Variants in AFG1L observed in about 807,000 individuals in gnomAD.
The protein encoded by AFG1L is AFG1-like ATPase.
A neutral mutation model predicts 62.2 loss-of-function variants in AFG1L; 53 were observed. The ratio of observed to expected loss-of-function variants is 0.85; its 90% CI spans 0.68 to 1.07. The LOEUF (loss-of-function observed/expected upper bound fraction) is 1.07. Ranked by LOEUF, AFG1L falls within the 50% of genes least tolerant of loss-of-function variation. The probability of loss-of-function intolerance (pLI) is 0.00; values close to 1 mark genes in which losing one functional copy is unlikely to be tolerated. For missense variants in AFG1L, 555 were observed against 590.5 expected (o/e 0.94, Z 0.62); for synonymous variants, 228 against 210.3 (o/e 1.08, Z -0.73).
At chr6:108,465,551 C>T (rs937912722) in intron 8 of AFG1L, among the ~76,000 whole-genome samples, 1 of 152,058 alleles carries the variant, frequency 6.6e-6, no homozygotes, top group African/African-American at 2.4e-5. Flanking sequence ...GCCTCACAAG[C>T]ATGGATATAT....
chr6:108,316,533 ATTT>A (rs544278061), intron 1 of AFG1L, among the ~76,000 whole-genome samples: 5 of 125,124 alleles, frequency 4.0e-5, no homozygotes, highest in Admixed American at 8.6e-5. Flanking sequence ...GTACACTCTG[ATTT>A]TTTTTTTTTT....
intron 6 of AFG1L, chr6:108,388,206 G>A (rs1367940748): frequency 6.6e-6 from 1 of 152,168 alleles, no homozygotes; most frequent in Non-Finnish European, 1.5e-5. Flanking sequence ...AGGATTCCCA[G>A]AAATGTCTAA....
At chr6:108,507,076 G>A (rs1774450005) in intron 10 of AFG1L, among the ~76,000 whole-genome samples, 1 of 152,086 alleles carries the variant, frequency 6.6e-6, no homozygotes, top group South Asian at 2.1e-4. Context: ...TCTTTCTCAT[G>A]TTTTTAAAGA....
intron 7 of AFG1L, among the ~76,000 whole-genome samples, chr6:108,446,042 A>T (rs1771772133): frequency 7.0e-6 from 1 of 143,038 alleles, no homozygotes; most frequent in Non-Finnish European, 1.5e-5. Flanking sequence ...CCTCTCATCT[A>T]TGTAGAGATA....
chr6:108,358,783 C>G (rs1411497369), intron 5 of AFG1L, among the ~76,000 whole-genome samples: 1 of 152,242 alleles, frequency 6.6e-6, no homozygotes, highest in Non-Finnish European at 1.5e-5. Flanking sequence ...ATCCACCCGC[C>G]TCAGCCTCCC....
Position 108,448,085 on chromosome 6 carries a change from T to G in AFG1L, c.890+789T>G, listed in dbSNP as rs956840378. 3.3e-5 allele frequency among the ~76,000 whole-genome samples: 5 copies of G among 152,208 alleles called. No individual in the cohort carries two copies. In the South Asian group the frequency reaches 1.0e-3, roughly 32 times the overall value. Reference sequence around the variant, plus strand: ...AAAAGTTCTTGTCTCTGCCACCTTGTAAGCAGAAGTACTTTACTGTTTTTG... The same window carrying G: ...AAAAGTTCTTGTCTCTGCCACCTTGGAAGCAGAAGTACTTTACTGTTTTTG... On this transcript the variant is annotated intron_variant, in intron 8 of 12. Coordinates refer to ENST00000368977, the MANE Select transcript of AFG1L (RefSeq NM_145315.5).
At chr6:108,314,088 A>G (rs1431097626) in intron 1 of AFG1L, among the ~76,000 whole-genome samples, 1 of 151,932 alleles carries the variant, frequency 6.6e-6, no homozygotes, top group Non-Finnish European at 1.5e-5. Context: ...AAAATTAGCC[A>G]GACGTGGTGG....
At chr6:108,449,432 C>A (rs989380365) in intron 8 of AFG1L, among the ~76,000 whole-genome samples, 3 of 152,034 alleles carry the variant, frequency 2.0e-5, no homozygotes, top group Non-Finnish European at 4.4e-5. Context: ...CAATTAAAAT[C>A]ATCTCAGAAG....
intron 6 of AFG1L, among the ~76,000 whole-genome samples, chr6:108,401,512 C>T (rs1398267466): frequency 1.3e-5 from 2 of 152,074 alleles, no homozygotes; most frequent in African/African-American, 2.4e-5. Context: ...AGGCTGATCT[C>T]GAACTCCTGA....
intron 6 of AFG1L, among the ~76,000 whole-genome samples, chr6:108,388,684 G>C (rs1780889074): frequency 6.6e-6 from 1 of 150,484 alleles, no homozygotes; most frequent in Non-Finnish European, 1.5e-5. Context: ...TAGTTGAGCG[G>C]TTTTGAGTGA....
At chr6:108,395,850 G>A (rs1781273459) in intron 6 of AFG1L, among the ~76,000 whole-genome samples, 1 of 150,414 alleles carries the variant, frequency 6.6e-6, no homozygotes. Context: ...GAGAGAGAGA[G>A]AATGGAGTCT....
At chr6:108,432,314 T>C (rs1053320105) in intron 7 of AFG1L, among the ~76,000 whole-genome samples, 2 of 152,158 alleles carry the variant, frequency 1.3e-5, no homozygotes, top group Non-Finnish European at 1.5e-5. Context: ...TACATTCTTA[T>C]GTGTTTTCTC....
chr6:108,333,280 G>A (rs1778348654), intron 2 of AFG1L, among the ~76,000 whole-genome samples: 1 of 152,050 alleles, frequency 6.6e-6, no homozygotes, highest in African/African-American at 2.4e-5. Context: ...TGTGGTGGCG[G>A]GCGCCTGTAA....
rs185530278 is a variant in AFG1L, at chr6:108,302,904, T to C, written c.139+7686T>C. ...AAATTTTGTTTATAGGAGTATACTT[T>C]GCTTAATTGTTAAAAGCTGTCAATA... On this transcript the variant is annotated intron_variant, in intron 1 of 12. Coordinates refer to ENST00000368977, the MANE Select transcript of AFG1L (RefSeq NM_145315.5). Among the ~76,000 whole-genome samples the C allele has an allele frequency of 2.4e-3, 360 of 152,254 alleles. 1 individual carries two copies. The highest frequency in any genetic ancestry group is 0.014 in the Middle Eastern group (4 of 294).
chr6:108,521,953 C>G (rs1775141567), intron 12 of AFG1L: 1 of 176,828 alleles, frequency 5.7e-6, no homozygotes, highest in Admixed American at 5.7e-5. Flanking sequence ...CTTAGGGCCT[C>G]CCCCTTAGGC....
chr6:108,305,418 C>T (rs945103208), intron 1 of AFG1L, among the ~76,000 whole-genome samples: 4 of 152,166 alleles, frequency 2.6e-5, no homozygotes, highest in Non-Finnish European at 5.9e-5. Context: ...CAGAGTCTTG[C>T]TCTATTACTC....
chr6:108,387,626 C>T (rs1178715750), intron 6 of AFG1L: 1 of 152,110 alleles, frequency 6.6e-6, no homozygotes, highest in East Asian at 1.9e-4. Context: ...TTAGCTTCAG[C>T]TATAATCATT....
rs539232525 is a variant in AFG1L, at chr6:108,422,477, C to CAAAAAAAAAAAAAAAAAAAAAAA, written c.807+20445_807+20446insAAAAAAAAAAAAAAAAAAAAAAA. On this transcript the variant is annotated intron_variant, in intron 7 of 12. Coordinates refer to ENST00000368977, the MANE Select transcript of AFG1L (RefSeq NM_145315.5). ...ATATTTTTTTAAAATTAGTCCTCAG[C>CAAAAAAAAAAAAAAAAAAAAAAA]AAAAAAAAAAAAAAAAAAAAAAGAA... Among the ~76,000 whole-genome samples, 224 of 45,802 alleles carry CAAAAAAAAAAAAAAAAAAAAAAA rather than the reference C, an allele frequency of 4.9e-3. 37 individuals are homozygous for CAAAAAAAAAAAAAAAAAAAAAAA. Among genetic ancestry groups the CAAAAAAAAAAAAAAAAAAAAAAA allele is most frequent in the African/African-American group, 0.018 (172 of 9,606 alleles). The allele number at this position is 45,802 out of a possible 152,430, so 30.0% of individuals were successfully genotyped here. A position where few individuals can be genotyped will look rare whatever the true frequency, so the allele number is the denominator to read the frequency against.
At chr6:108,387,559 G>A (rs1780822968) in intron 6 of AFG1L, 1 of 152,308 alleles carries the variant, frequency 6.6e-6, no homozygotes, top group Non-Finnish European at 1.5e-5. Flanking sequence ...GATAAATCAA[G>A]TATTGTATGG....
Sources: allele counts gnomAD v4.1 joint callset (sites outside exome capture counted in the v4.1 genomes callset), GRCh38; gene constraint gnomAD v4.1.1; transcripts MANE v1.5; gene names NCBI Gene and HGNC (gene_info 2026-07-23, HGNC 2026-07-21).